PAK3: variants seen among roughly 807,000 people sequenced by gnomAD.
The protein encoded by PAK3 is serine/threonine-protein kinase PAK 3.
In PAK3, 4 loss-of-function variants were observed where a neutral mutation model predicts 41.0. The observed-to-expected ratio is 0.10, with a 90% confidence interval of 0.05 to 0.22. The LOEUF is 0.22. Ranked by LOEUF, PAK3 falls within the 10% of genes least tolerant of loss-of-function variation. The pLI is 1.00. For synonymous variants in PAK3, 146 were observed against 139.6 expected (o/e 1.05, Z -0.32); for missense variants, 205 against 409.9 (o/e 0.50, Z 4.32).
Position 111,216,478 on chromosome X carries a change from T to C in PAK3, c.1465T>C (p.Ser489Pro), listed in dbSNP as rs747573909. 2 of 1,177,732 alleles carry C rather than the reference T, an allele frequency of 1.7e-6. No homozygotes were observed. The highest frequency in any genetic ancestry group is 1.8e-5 in the South Asian group (1 of 56,175). ...TPELQNPERL[S>P]AVFRDFLNRC... Reference sequence around the variant, plus strand: ...AGAGCTCCAGAATCCTGAGAGACTGTCAGCTGTATTCCGTGACTTTTTAAA... The same window carrying C: ...AGAGCTCCAGAATCCTGAGAGACTGCCAGCTGTATTCCGTGACTTTTTAAA... Residue 489 changes from serine (S) to proline (P), a missense_variant, in exon 17 of 18, where the codon TCA (serine) becomes CCA (proline). Around this residue, in one of 5 missense-constraint regions of PAK3, gnomAD observed 40 missense variants for 54.4 expected, o/e 0.74. Transcript: ENST00000372007.
intron 1 of PAK3, among the ~76,000 whole-genome samples, chrX:111,062,448 A>G (rs2092664788): frequency 1.8e-5 from 2 of 112,386 alleles, no homozygotes; most frequent in South Asian, 7.4e-4. Flanking sequence ...TTAGAAAATA[A>G]TTCATAGGCA....
chrX:111,039,612 A>C (rs2092433344), intron 1 of PAK3, among the ~76,000 whole-genome samples: 1 of 111,725 alleles, frequency 9.0e-6, no homozygotes, highest in Non-Finnish European at 1.9e-5. Flanking sequence ...AGCTCAGCAG[A>C]CCAGGCTAAT....
At chrX:111,005,329 T>TC (rs760310952) in intron 1 of PAK3, among the ~76,000 whole-genome samples, 3 of 110,988 alleles carry the variant, frequency 2.7e-5, no homozygotes, top group East Asian at 2.9e-4. Flanking sequence ...CTTTGTCAGC[T>TC]CCCCCTCAGA....
intron 17 of PAK3, among the ~76,000 whole-genome samples, chrX:111,219,235 T>TAATAATAATAAG (rs1380610093): frequency 1.1e-4 from 11 of 102,429 alleles, no homozygotes; most frequent in African/African-American, 3.3e-4. Context: ...ATAATAATAA[T>TAATAATAATAAG]AAGCAAGAGA....
intron 5 of PAK3, among the ~76,000 whole-genome samples, chrX:111,128,101 C>T (rs1330571981): frequency 2.7e-5 from 3 of 112,193 alleles, no homozygotes; most frequent in Non-Finnish European, 3.8e-5. Flanking sequence ...GGTGAGGCTG[C>T]GAGGCTGCAT....
chrX:111,158,793 C>A (rs1053882501), intron 8 of PAK3, among the ~76,000 whole-genome samples: 10 of 112,024 alleles, frequency 8.9e-5, no homozygotes, highest in African/African-American at 3.2e-4. Context: ...TGGAAGTTAG[C>A]AGTGAAGATA....
In PAK3 at chrX:111,221,863, A is replaced by G. The variant is rs2094929715; in HGVS notation, c.*1416A>G. On this transcript the variant is annotated 3_prime_UTR_variant, in exon 18 of 18. Transcript: ENST00000372007. Reference sequence around the variant, plus strand: ...CTCCAGTGGAAAATAATTTTAACTTACAATCATATCCCAAGAAATGTCAGT... The same window carrying G: ...CTCCAGTGGAAAATAATTTTAACTTGCAATCATATCCCAAGAAATGTCAGT... The G allele has an allele frequency of 2.7e-5, 3 of 112,188 alleles. No homozygotes were observed. Among genetic ancestry groups the G allele is most frequent in the Non-Finnish European group, 5.6e-5 (3 of 53,190 alleles). 9.2% of individuals were successfully genotyped at this position (112,188 alleles called of 1,213,427 possible).
chrX:111,132,740 A>G (rs1197542353), intron 5 of PAK3, among the ~76,000 whole-genome samples: 1 of 111,680 alleles, frequency 9.0e-6, no homozygotes, highest in African/African-American at 3.3e-5. Context: ...CAGAATCTGG[A>G]GCATGTTTTT....
chrX:111,110,250 A>G (rs2093346927), intron 4 of PAK3, among the ~76,000 whole-genome samples: 1 of 112,308 alleles, frequency 8.9e-6, no homozygotes, highest in Non-Finnish European at 1.9e-5. Flanking sequence ...CTCACAATCT[A>G]CTGGTGACGT....
At chrX:110,990,124 C>T (rs1407922798) in intron 1 of PAK3, among the ~76,000 whole-genome samples, 5 of 111,516 alleles carry the variant, frequency 4.5e-5, no homozygotes, top group Non-Finnish European at 7.5e-5. Flanking sequence ...GGCTCAAAGT[C>T]CAGACAGCTG....
chrX:111,140,288 T>A (rs1393209268), intron 5 of PAK3, among the ~76,000 whole-genome samples: 2 of 110,398 alleles, frequency 1.8e-5, no homozygotes, highest in African/African-American at 6.6e-5. Context: ...GCAATGACAA[T>A]CAAAGAAAGA....
intron 1 of PAK3, among the ~76,000 whole-genome samples, chrX:110,967,808 A>G (rs1444021010): frequency 1.8e-5 from 2 of 111,995 alleles, no homozygotes; most frequent in African/African-American, 6.5e-5. Context: ...GGTTACATCT[A>G]CATAACCATC....
Position 111,162,656 on chromosome X carries a change from G to A in PAK3, c.469-259G>A, listed in dbSNP as rs7879095. Among the ~76,000 whole-genome samples, 5,671 of 111,155 alleles carry A rather than the reference G, an allele frequency of 0.051. 380 individuals carry two copies. Among genetic ancestry groups the A allele is most frequent in the African/African-American group, 0.18 (5,378 of 30,495 alleles). On this transcript the variant is annotated intron_variant, in intron 8 of 17. Coordinates refer to ENST00000372007, the MANE Select transcript of PAK3 (RefSeq NM_002578.5). ...GTGAATAATAGTCCACTGTTTTTGAGCTCAGTGAGAAGTTTTTTAAAAAAT... is the reference window on the plus strand; with the variant it reads ...GTGAATAATAGTCCACTGTTTTTGAACTCAGTGAGAAGTTTTTTAAAAAAT...
At chrX:111,004,543 G>T (rs1183787844) in intron 1 of PAK3, among the ~76,000 whole-genome samples, 1 of 112,369 alleles carries the variant, frequency 8.9e-6, no homozygotes, top group African/African-American at 3.2e-5. Context: ...TTGTTAGCTC[G>T]AGTGAAGCTA....
intron 1 of PAK3, among the ~76,000 whole-genome samples, chrX:110,964,846 G>T (rs1235820059): frequency 8.9e-6 from 1 of 111,849 alleles, no homozygotes; most frequent in Non-Finnish European, 1.9e-5. Flanking sequence ...TAGCTGGCAA[G>T]CTGGCTGGCT....
intron 1 of PAK3, among the ~76,000 whole-genome samples, chrX:110,952,430 T>C (rs1331862846): frequency 9.0e-6 from 1 of 111,669 alleles, no homozygotes; most frequent in Non-Finnish European, 1.9e-5. Context: ...CTCCAAGAGT[T>C]GGACACTGCT....
At chrX:111,195,686 G>A (rs1293584681) in intron 14 of PAK3, among the ~76,000 whole-genome samples, 156 bp from the exon 15 acceptor site, 4 of 112,002 alleles carry the variant, frequency 3.6e-5, no homozygotes, top group Non-Finnish European at 7.5e-5. Context: ...GATGTAAATG[G>A]TAATGTGACT....
upstream of PAK3, among the ~76,000 whole-genome samples, chrX:111,091,759 C>A (rs1213882658): frequency 8.9e-6 from 1 of 112,150 alleles, no homozygotes; most frequent in Admixed American, 9.4e-5. Context: ...CACCAGACTG[C>A]AGTAATGGCA....
chrX:111,161,510 C>T (rs2094188177), intron 8 of PAK3, among the ~76,000 whole-genome samples: 1 of 110,672 alleles, frequency 9.0e-6, no homozygotes, highest in African/African-American at 3.3e-5. Flanking sequence ...GTTGTCATTG[C>T]TTTTGGTGTT....
Sources: gnomAD v4.1 joint callset for allele counts (sites outside exome capture counted in the v4.1 genomes callset) on GRCh38, gnomAD v4.1.1 for gene constraint, gnomAD v4.1.1 regional missense constraint, MANE v1.5 for transcripts, NCBI Gene and HGNC (gene_info 2026-07-23, HGNC 2026-07-21) for gene names.